EYA2: variants seen among roughly 807,000 people sequenced by gnomAD.
EYA2 encodes the protein EYA transcriptional coactivator and phosphatase 2.
A neutral mutation model predicts 69.2 loss-of-function variants in EYA2; 31 were observed. The ratio of observed to expected loss-of-function variants is 0.45; its 90% CI spans 0.34 to 0.60. The LOEUF (loss-of-function observed/expected upper bound fraction) is 0.60. Ranked by LOEUF, EYA2 falls within the 20% of genes least tolerant of loss-of-function variation. EYA2 has a pLI of 0.02. For synonymous variants in EYA2, 257 were observed against 279.4 expected, an observed-to-expected ratio of 0.92 and a Z score of 0.80; for missense variants, 622 against 701.2, an observed-to-expected ratio of 0.89 and a Z score of 1.28.
chr20:46,989,882 A>G lies in EYA2; in HGVS notation c.-10-119A>G, dbSNP rs750953860. ...TGAATTTTTATCATGTAGAATTTAT[A>G]AGAAGTCTGGGTTTAGGTAATCAGT... On this transcript the variant is annotated intron_variant, in intron 1 of 15. Transcript: ENST00000327619. 8 of 519,008 alleles carry G rather than the reference A, an allele frequency of 1.5e-5. No homozygotes were observed. The South Asian group carries it at 2.6e-4, about 17-fold the overall frequency. The allele number at this position is 519,008 out of a possible 1,614,324, so 32.2% of individuals were successfully genotyped here. A position where few individuals can be genotyped will look rare whatever the true frequency, so the allele number is the denominator to read the frequency against.
rs1327868795 is a variant in EYA2 at position 46,946,247 on chromosome 20, G to A, written c.-10-43754G>A. 2.0e-5 allele frequency among the ~76,000 whole-genome samples: 3 copies of A among 152,170 alleles called. No homozygotes were observed. The East Asian group carries it at 5.8e-4, about 29-fold the overall frequency. On this transcript the variant is annotated intron_variant, in intron 1 of 15. Transcript: ENST00000327619. ...TTCCCTCCCTACTTCTAAGCTCAAA[G>A]CCCTAGGAGGTCTTGCCCGTGGAGA... is the stretch of plus-strand genomic sequence containing the variant.
intron 1 of EYA2, chr20:46,978,469 C>T: frequency 2.2e-6 from 1 of 451,412 alleles, no homozygotes; most frequent in South Asian, 1.7e-5. Context: ...GCAGAGGGAA[C>T]AGCATGTACA....
In EYA2 at chr20:47,089,382, G is replaced by A. The variant is rs747338745; in HGVS notation, c.804+1G>A. 1 of 1,612,122 alleles carries A rather than the reference G, an allele frequency of 6.2e-7. No individual in the cohort carries two copies. The highest frequency in any genetic ancestry group is 1.7e-5 in the Admixed American group (1 of 59,574). On this transcript the variant is annotated splice_donor_variant, in intron 8 of 15. Coordinates refer to ENST00000327619, the MANE Select transcript of EYA2 (RefSeq NM_005244.5). LOFTEE classifies it high-confidence loss of function. ...CCCGGCAGGGGACAATGAGATTGAG[G>A]TAATCCAAAGGGGCTCTGTGTGACC...
chr20:46,990,150 A>T, intron 2 of EYA2, 31 bp downstream of exon 2: 1 of 1,260,610 alleles, frequency 7.9e-7, no homozygotes, highest in Non-Finnish European at 1.2e-6. Context: ...TTGGGTCAAC[A>T]GGTGTGGTGG....
chr20:47,066,699 T>C (rs1390296716), intron 5 of EYA2, among the ~76,000 whole-genome samples: 1 of 152,192 alleles, frequency 6.6e-6, no homozygotes, highest in African/African-American at 2.4e-5. Flanking sequence ...GGAATTGTAG[T>C]TTTTATTCTA....
At chr20:47,045,616 G>A (rs1459327064) in intron 5 of EYA2, among the ~76,000 whole-genome samples, 3 of 152,202 alleles carry the variant, frequency 2.0e-5, no homozygotes, top group South Asian at 4.1e-4. Flanking sequence ...CCTTGAAGAC[G>A]TTCTGCCTGA....
At chr20:47,147,228 T>C (rs2033721935) in intron 10 of EYA2, among the ~76,000 whole-genome samples, 1 of 152,024 alleles carries the variant, frequency 6.6e-6, no homozygotes, top group Admixed American at 6.5e-5. Flanking sequence ...TTTGTATTTT[T>C]AGTAGAAACA....
chr20:47,016,295 A>G lies in EYA2; in HGVS notation c.413A>G (p.His138Arg), dbSNP rs138752804. The stretch of plus-strand genomic sequence containing the variant: ...CAGAGCCCATACACCTACCAGATGC[A>G]CGGTCAGTGTGGCGCTGTGGCCCCT... ...TGQSPYTYQM[H>R]GTTGFYQGGN... The change falls in exon 5 of 16, where the codon CAC (histidine) becomes CGC (arginine). Residue 138 changes from histidine (H) to arginine (R), a missense_variant and splice_region_variant. Around this residue, in one of 2 missense-constraint regions of EYA2, gnomAD observed 365 missense variants for 349.7 expected, o/e 1.04. Coordinates refer to ENST00000327619, the MANE Select transcript of EYA2 (RefSeq NM_005244.5). 6.2e-7 allele frequency: 1 copy of G among 1,612,638 alleles called. No homozygotes were observed. Among genetic ancestry groups the G allele is most frequent in the African/African-American group, 1.3e-5 (1 of 75,032 alleles).
intron 10 of EYA2, among the ~76,000 whole-genome samples, chr20:47,146,054 T>G (rs2033694045): frequency 2.0e-5 from 3 of 152,240 alleles, no homozygotes; most frequent in South Asian, 4.2e-4. Flanking sequence ...GAGGACTTGC[T>G]GATAGACTAG....
intron 9 of EYA2, among the ~76,000 whole-genome samples, chr20:47,141,415 G>A (rs1300923323): frequency 6.6e-6 from 1 of 152,146 alleles, no homozygotes; most frequent in Non-Finnish European, 1.5e-5. Context: ...TGATTTTATT[G>A]GTCTGGAGAG....
chr20:46,906,647 AGTACT>A (rs1486331435), intron 1 of EYA2, among the ~76,000 whole-genome samples: 1 of 152,244 alleles, frequency 6.6e-6, no homozygotes, highest in African/African-American at 2.4e-5. Context: ...CTACGATGAA[AGTACT>A]GTTACTATTC....
rs953592006 is a variant in EYA2 at position 47,188,426 on chromosome 20, G to C, written c.*293G>C. On this transcript the variant is annotated 3_prime_UTR_variant, in exon 16 of 16. Coordinates refer to ENST00000327619, the MANE Select transcript of EYA2 (RefSeq NM_005244.5). ...ACAAAAGCAAGGAATTGCTGATTTG[G>C]GGGGTGCCTGGTGATGAGGAGGGGA... The C allele has an allele frequency of 1.8e-6, 1 of 557,078 alleles. No homozygotes were observed. Among genetic ancestry groups the C allele is most frequent in the Non-Finnish European group, 3.2e-6 (1 of 313,842 alleles). 34.5% of individuals were successfully genotyped at this position (557,078 alleles called of 1,614,324 possible).
At chr20:47,129,863 G>A (rs2033293755) in intron 9 of EYA2, among the ~76,000 whole-genome samples, 1 of 152,198 alleles carries the variant, frequency 6.6e-6, no homozygotes, top group Non-Finnish European at 1.5e-5. Context: ...GCTCTGATAA[G>A]AATTATTATT....
At chr20:47,148,029 A>ACAGTCCG (rs1418447848) in intron 10 of EYA2, among the ~76,000 whole-genome samples, 1 of 145,872 alleles carries the variant, frequency 6.9e-6, no homozygotes, top group Non-Finnish European at 1.5e-5. Context: ...ACTGTACTCC[A>ACAGTCCG]GCCTGGGCGA....
At chr20:46,990,608 A>T (rs1230078009) in intron 2 of EYA2, among the ~76,000 whole-genome samples, 3 of 152,240 alleles carry the variant, frequency 2.0e-5, no homozygotes, top group African/African-American at 7.2e-5. Context: ...AAAGTTGTTT[A>T]AAAAACTATT....
intron 1 of EYA2, among the ~76,000 whole-genome samples, chr20:46,967,244 C>T (rs1206776): frequency 0.27 from 40,575 of 152,130 alleles, 5,781 homozygotes; most frequent in Admixed American, 0.43. Context: ...TCAAGTGATC[C>T]GCCCACCTCG....
intron 1 of EYA2, among the ~76,000 whole-genome samples, chr20:46,938,962 A>G (rs1469066130): frequency 6.6e-6 from 1 of 152,210 alleles, no homozygotes; most frequent in African/African-American, 2.4e-5. Flanking sequence ...TCTGTATTCA[A>G]ATTCTCCCAG....
chr20:47,120,781 C>A (rs80100964), intron 9 of EYA2, among the ~76,000 whole-genome samples: 1 of 151,928 alleles, frequency 6.6e-6, no homozygotes, highest in Non-Finnish European at 1.5e-5. Context: ...CTGGAAGGAA[C>A]GCACACGGTC....
chr20:47,000,874 G>A (rs1982324491), intron 2 of EYA2, among the ~76,000 whole-genome samples: 2 of 152,114 alleles, frequency 1.3e-5, no homozygotes, highest in African/African-American at 2.4e-5. Context: ...GCACTCCATG[G>A]ACTGGAAGTG....
Sources: gnomAD v4.1 joint callset for allele counts (sites outside exome capture counted in the v4.1 genomes callset) on GRCh38, gnomAD v4.1.1 for gene constraint, gnomAD v4.1.1 regional missense constraint, MANE v1.5 for transcripts, NCBI Gene and HGNC (gene_info 2026-07-23, HGNC 2026-07-21) for gene names.